The following OAS1 variants were observed in gnomAD, a reference collection of about 807,000 sequenced individuals.
OAS1 encodes the protein 2'-5'-oligoadenylate synthase 1.
OAS1 carries 24 observed loss-of-function variants against 38.5 expected under a neutral mutation model. That is an observed-to-expected ratio of 0.62 (90% CI 0.45 to 0.88). OAS1 has a LOEUF of 0.88. Among genes scored for constraint, OAS1 ranks in the 40% least tolerant of loss-of-function variants. The probability of loss-of-function intolerance (pLI) is 0.00; values close to 1 mark genes in which losing one functional copy is unlikely to be tolerated. For synonymous variants in OAS1, 169 were observed against 193.9 expected, an observed-to-expected ratio of 0.87 and a Z score of 1.07; for missense variants, 482 against 493.9, an observed-to-expected ratio of 0.98 and a Z score of 0.23.
chr12:112,931,954 G>T (rs7967461), exon 7 of OAS1: 20 of 701,546 alleles, frequency 2.9e-5, no homozygotes, highest in East Asian at 2.4e-4. Context: ...ACAGACAAGA[G>T]GAGCCTCATT....
downstream of OAS1, among the ~76,000 whole-genome samples, chr12:112,924,433 A>G (rs1248072592): frequency 6.7e-6 from 1 of 149,194 alleles, no homozygotes; most frequent in Non-Finnish European, 1.5e-5. Context: ...TTAGAATTAC[A>G]CATATTAGCT....
chr12:112,931,338 C>T (rs974575007), intron 6 of OAS1, among the ~76,000 whole-genome samples: 3 of 152,154 alleles, frequency 2.0e-5, no homozygotes, highest in Admixed American at 6.5e-5. Context: ...ATCTGGAGTC[C>T]GACTGCCTGG....
downstream of OAS1, among the ~76,000 whole-genome samples, chr12:112,923,609 G>T (rs113157201): frequency 4.6e-5 from 7 of 152,286 alleles, 1 homozygote; most frequent in African/African-American, 1.7e-4. Flanking sequence ...ATATTGTGGA[G>T]ATTAACCCTT....
chr12:112,925,100 G>T (rs1781840397), intron 6 of OAS1, among the ~76,000 whole-genome samples: 1 of 152,130 alleles, frequency 6.6e-6, no homozygotes, highest in African/African-American at 2.4e-5. Context: ...TGAGAGTGAA[G>T]TTCACAGAAG....
At chr12:112,908,363 A>G (rs2043324268) in intron 1 of OAS1, among the ~76,000 whole-genome samples, 173 bp from the exon 2 acceptor site, 1 of 152,176 alleles carries the variant, frequency 6.6e-6, no homozygotes, top group Non-Finnish European at 1.5e-5. Context: ...ATGGGAACTA[A>G]TGATAATGGC....
downstream of OAS1, among the ~76,000 whole-genome samples, chr12:112,924,505 A>G (rs2043547644): frequency 6.6e-6 from 1 of 151,936 alleles, no homozygotes. Context: ...ATTCTGATCC[A>G]TGAACTTGGA....
chr12:112,929,917 A>G (rs980078951), intron 6 of OAS1, among the ~76,000 whole-genome samples: 1 of 152,168 alleles, frequency 6.6e-6, no homozygotes, highest in African/African-American at 2.4e-5. Context: ...TCGCAGATGA[A>G]TAAACTGAGG....
intron 6 of OAS1, among the ~76,000 whole-genome samples, chr12:112,927,765 AT>A (rs200131105): frequency 8.6e-5 from 13 of 151,658 alleles, no homozygotes; most frequent in African/African-American, 1.2e-4. Flanking sequence ...AGATTTTCTG[AT>A]TTTTTTTTCC....
At chr12:112,907,823 A>T (rs1314670009) in intron 1 of OAS1, 1 of 152,498 alleles carries the variant, frequency 6.6e-6, no homozygotes, top group Admixed American at 6.5e-5. Context: ...TCAGTAAGCA[A>T]AAGAAGAAAG....
intron 2 of OAS1, 142 bp downstream of exon 2, chr12:112,908,966 G>T: frequency 1.2e-6 from 1 of 842,142 alleles, no homozygotes; most frequent in South Asian, 1.9e-5. Context: ...GGGCAAGAAT[G>T]AATACGGTCA....
rs2043514773 is a variant in OAS1 at position 112,919,651 on chromosome 12, A to G, written c.*98A>G. The G allele has an allele frequency of 1.3e-6, 2 of 1,597,698 alleles. No individual in the cohort carries two copies. Among genetic ancestry groups the G allele is most frequent in the South Asian group, 2.2e-5 (2 of 89,118 alleles). Reference sequence around the variant, plus strand: ...TGATCCAGAGAGGACAAAGCTCCTCAGTGAGCTGGTGTATAATCCAGGACA... The same window carrying G: ...TGATCCAGAGAGGACAAAGCTCCTCGGTGAGCTGGTGTATAATCCAGGACA... On this transcript the variant is annotated 3_prime_UTR_variant, in exon 6 of 6. Coordinates refer to ENST00000202917, the MANE Select transcript of OAS1 (RefSeq NM_016816.4).
At chr12:112,922,787 C>G (rs1034485018), downstream of OAS1, among the ~76,000 whole-genome samples, 1 of 152,246 alleles carries the variant, frequency 6.6e-6, no homozygotes, top group African/African-American at 2.4e-5. Flanking sequence ...CACAGCAATT[C>G]TGGAATTTCA....
chr12:112,926,282 C>T (rs1023924208), intron 6 of OAS1, among the ~76,000 whole-genome samples: 1 of 152,038 alleles, frequency 6.6e-6, no homozygotes, highest in African/African-American at 2.4e-5. Context: ...AACAACTGCA[C>T]CTGGCCTAAA....
In OAS1 at chr12:112,919,471, C is replaced by T. The variant is rs1340732148; in HGVS notation, c.1121C>T (p.Pro374Leu). The change falls in exon 6 of 6, where the codon CCT (proline) becomes CTT (leucine). Residue 374 changes from proline (P) to leucine (L), a missense_variant. Transcript: ENST00000202917. ...KYGYIGTHEY[P>L]HFSHRPSTLQ... The stretch of plus-strand genomic sequence containing the variant: ...GGTTACATTGGAACACATGAGTACC[C>T]TCATTTCTCTCATAGACCCAGCACA... 6.2e-7 allele frequency: 1 copy of T among 1,614,188 alleles called. No homozygotes were observed. The highest frequency in any genetic ancestry group is 1.1e-5 in the South Asian group (1 of 91,078).
chr12:112,929,454 C>A (rs2043583723), intron 6 of OAS1, among the ~76,000 whole-genome samples: 1 of 152,184 alleles, frequency 6.6e-6, no homozygotes, highest in African/African-American at 2.4e-5. Flanking sequence ...GACTGAGGAG[C>A]CCCTTTATAA....
intron 3 of OAS1, among the ~76,000 whole-genome samples, chr12:112,912,651 G>A (rs1475457759): frequency 2.6e-5 from 4 of 152,164 alleles, no homozygotes; most frequent in Non-Finnish European, 2.9e-5. Context: ...TAATGAGGGT[G>A]TTTTTGGTAA....
intron 6 of OAS1, chr12:112,931,821 C>A: frequency 1.5e-6 from 1 of 664,590 alleles, no homozygotes; most frequent in Non-Finnish European, 2.7e-6. Flanking sequence ...CTGATGCTCT[C>A]TGGGCAGACA....
downstream of OAS1, chr12:112,932,837 T>A (rs1209283851): frequency 6.6e-6 from 1 of 152,250 alleles, no homozygotes; most frequent in Admixed American, 6.5e-5. Flanking sequence ...CCTCAAAGCC[T>A]GTGCTCTTAA....
chr12:112,907,246 G>A (rs1036081422), intron 1 of OAS1, 27 bp downstream of exon 1: 1 of 1,609,470 alleles, frequency 6.2e-7, no homozygotes, highest in Non-Finnish European at 8.5e-7. Flanking sequence ...CTGGCCAGGG[G>A]AGGGGTGGCT....
Sources: gnomAD v4.1 joint callset for allele counts (sites outside exome capture counted in the v4.1 genomes callset) on GRCh38, gnomAD v4.1.1 for gene constraint, MANE v1.5 for transcripts, NCBI Gene and HGNC (gene_info 2026-07-23, HGNC 2026-07-21) for gene names.